IGF2BP3: variants seen among roughly 807,000 people sequenced by gnomAD.
IGF2BP3 encodes insulin-like growth factor 2 mRNA-binding protein 3.
A neutral mutation model predicts 73.8 loss-of-function variants in IGF2BP3; 9 were observed. The ratio of observed to expected loss-of-function variants is 0.12; its 90% CI spans 0.07 to 0.21. The LOEUF (loss-of-function observed/expected upper bound fraction) is 0.21, where lower values mean the gene tolerates loss of function less well. Ranked by LOEUF, IGF2BP3 falls within the 10% of genes least tolerant of loss-of-function variation. IGF2BP3 has a pLI of 1.00. For missense variants in IGF2BP3, 542 were observed against 714.0 expected (o/e 0.76, Z 2.75); for synonymous variants, 258 against 256.7 (o/e 1.01, Z -0.05).
At chr7:23,358,369 G>A (rs1583930631) in intron 5 of IGF2BP3, among the ~76,000 whole-genome samples, 2 of 152,264 alleles carry the variant, frequency 1.3e-5, no homozygotes, top group Admixed American at 1.3e-4. Context: ...TAAAGATTGA[G>A]CTTTGGGTGG....
At position 23,347,939 on chromosome 7, in the gene IGF2BP3, T is replaced by TC; in HGVS notation, c.684-206dup. 5.6e-6 allele frequency: 3 copies of TC among 536,626 alleles called. No individual in the cohort carries two copies. In the East Asian group the frequency reaches 9.4e-5, roughly 17 times the overall value. 33.2% of individuals were successfully genotyped at this position (536,626 alleles called of 1,614,324 possible). On this transcript the variant is annotated intron_variant, in intron 6 of 14. Coordinates refer to ENST00000258729, the MANE Select transcript of IGF2BP3 (RefSeq NM_006547.3). ...TTCTAGGAACATTCCCCTTTCTCTT[T>TC]CCTCAATCCAACCAAGCGGGGACAT...
intron 10 of IGF2BP3, among the ~76,000 whole-genome samples, chr7:23,340,679 G>A (rs369486034): frequency 4.5e-4 from 68 of 152,026 alleles, no homozygotes; most frequent in African/African-American, 1.2e-3. Flanking sequence ...GAATACCTCC[G>A]ATTATCGATA....
intron 3 of IGF2BP3, among the ~76,000 whole-genome samples, chr7:23,383,059 T>C (rs1583968123): frequency 6.6e-6 from 1 of 152,138 alleles, no homozygotes; most frequent in Non-Finnish European, 1.5e-5. Context: ...AGAGCGAGAC[T>C]CTGTCTCAAA....
chr7:23,405,484 G>C (rs1786797766), intron 3 of IGF2BP3, among the ~76,000 whole-genome samples: 1 of 152,214 alleles, frequency 6.6e-6, no homozygotes, highest in Admixed American at 6.5e-5. Context: ...AGTGGATACA[G>C]ACAGATCTTA....
chr7:23,334,122 G>A (rs1159188271), intron 10 of IGF2BP3, among the ~76,000 whole-genome samples: 2 of 152,074 alleles, frequency 1.3e-5, no homozygotes, highest in Non-Finnish European at 2.9e-5. Flanking sequence ...GATCCCTTGA[G>A]GTCAGGAGTT....
At chr7:23,371,405 T>C (rs912956265) in intron 3 of IGF2BP3, among the ~76,000 whole-genome samples, 7 of 152,240 alleles carry the variant, frequency 4.6e-5, no homozygotes, top group African/African-American at 1.7e-4. Context: ...AACTGTTCTT[T>C]TACATCTATT....
intron 10 of IGF2BP3, among the ~76,000 whole-genome samples, chr7:23,328,752 T>A (rs757808243): frequency 6.6e-6 from 1 of 152,168 alleles, no homozygotes; most frequent in Non-Finnish European, 1.5e-5. Context: ...TACAATCAAC[T>A]ACCTACCTAA....
chr7:23,431,949 C>T (rs1262299942), intron 2 of IGF2BP3, among the ~76,000 whole-genome samples: 9 of 152,264 alleles, frequency 5.9e-5, no homozygotes, highest in Middle Eastern at 3.4e-3. Flanking sequence ...CACTGGTTAA[C>T]AGATTGCTTA....
intron 3 of IGF2BP3, among the ~76,000 whole-genome samples, chr7:23,395,478 C>T (rs1024770986): frequency 2.0e-5 from 3 of 152,020 alleles, no homozygotes; most frequent in East Asian, 1.9e-4. Context: ...TCAATGACCT[C>T]GGGCCAAGTG....
intron 6 of IGF2BP3, 51 bp from the exon 7 acceptor site, chr7:23,347,785 CA>C: frequency 6.2e-7 from 1 of 1,609,450 alleles, no homozygotes; most frequent in Non-Finnish European, 8.5e-7. Flanking sequence ...AGCGTGTATT[CA>C]CAGTGGAGTC....
chr7:23,314,794 G>A (rs156418), intron 12 of IGF2BP3, among the ~76,000 whole-genome samples: 16,091 of 152,130 alleles, frequency 0.11, 1,733 homozygotes, highest in African/African-American at 0.28. Flanking sequence ...CAACATCAAG[G>A]TAAGACACTT....
chr7:23,320,963 A>G (rs13227296), intron 10 of IGF2BP3, among the ~76,000 whole-genome samples: 22 of 101,688 alleles, frequency 2.2e-4, no homozygotes, highest in East Asian at 3.8e-4. Context: ...AAAAAAAAAA[A>G]AAAAAAGAAA....
chr7:23,312,545 A>T (rs1783861546), intron 14 of IGF2BP3, 85 bp from the exon 15 acceptor site: 4 of 1,062,782 alleles, frequency 3.8e-6, no homozygotes, highest in Non-Finnish European at 5.9e-6. Context: ...AATTTCAAAT[A>T]GAAATCCATT....
intron 3 of IGF2BP3, chr7:23,362,528 A>G (rs10255155): frequency 6.6e-6 from 1 of 151,932 alleles, no homozygotes; most frequent in Non-Finnish European, 1.5e-5. Context: ...TGTTTTTACC[A>G]TCTTTCCTGT....
chr7:23,417,044 G>A (rs989932149), intron 3 of IGF2BP3, among the ~76,000 whole-genome samples: 6 of 152,048 alleles, frequency 3.9e-5, no homozygotes, highest in Non-Finnish European at 8.8e-5. Flanking sequence ...CAATGAGAGC[G>A]AAACTCCATC....
At chr7:23,438,419 G>A (rs989154111) in intron 2 of IGF2BP3, among the ~76,000 whole-genome samples, 6 of 151,972 alleles carry the variant, frequency 3.9e-5, no homozygotes, top group African/African-American at 1.5e-4. Flanking sequence ...CACTACACTG[G>A]GCCACATACA....
intron 11 of IGF2BP3, among the ~76,000 whole-genome samples, chr7:23,318,660 T>A (rs1177445075): frequency 6.6e-6 from 1 of 152,254 alleles, no homozygotes; most frequent in Non-Finnish European, 1.5e-5. Flanking sequence ...TGACTGTGCA[T>A]AGCCTGTATT....
At chr7:23,433,461 T>C (rs1787737247) in intron 2 of IGF2BP3, among the ~76,000 whole-genome samples, 1 of 151,988 alleles carries the variant, frequency 6.6e-6, no homozygotes, top group African/African-American at 2.4e-5. Flanking sequence ...ACATTTTAGA[T>C]ATATTAGGTT....
intron 12 of IGF2BP3, among the ~76,000 whole-genome samples, chr7:23,315,452 G>C (rs942059280): frequency 1.3e-5 from 2 of 152,074 alleles, no homozygotes; most frequent in Admixed American, 6.6e-5. Context: ...ATCACCTACT[G>C]CATGCAACTA....
Sources: allele counts gnomAD v4.1 joint callset (sites outside exome capture counted in the v4.1 genomes callset), GRCh38; gene constraint gnomAD v4.1.1; transcripts MANE v1.5; gene names NCBI Gene and HGNC (gene_info 2026-07-23, HGNC 2026-07-21).